Variants in MMS22L observed in about 807,000 individuals in gnomAD.
The protein encoded by MMS22L is protein MMS22-like.
A neutral mutation model predicts 159.1 loss-of-function variants in MMS22L; 74 were observed. The observed-to-expected ratio is 0.47, with a 90% CI of 0.39 to 0.56. MMS22L has a LOEUF of 0.56. Among genes scored for constraint, MMS22L ranks in the 20% least tolerant of loss-of-function variants. The probability of loss-of-function intolerance (pLI) is 0.00; values close to 1 mark genes in which losing one functional copy is unlikely to be tolerated. For missense variants in MMS22L, 1,351 were observed against 1,422.1 expected (o/e 0.95, Z 0.80); for synonymous variants, 517 against 506.9 (o/e 1.02, Z -0.27).
At chr6:97,209,604 T>A (rs1808155774) in intron 14 of MMS22L, among the ~76,000 whole-genome samples, 1 of 152,008 alleles carries the variant, frequency 6.6e-6, no homozygotes. Flanking sequence ...GTCTCTGACA[T>A]ACAAAAGGCC....
intron 16 of MMS22L, among the ~76,000 whole-genome samples, chr6:97,181,364 A>G (rs1316622940): frequency 6.6e-6 from 1 of 151,766 alleles, no homozygotes; most frequent in African/African-American, 2.4e-5. Flanking sequence ...TTTTTTTCCA[A>G]TGAGGTTCCT....
chr6:97,154,920 G>C (rs1418454281), intron 22 of MMS22L, among the ~76,000 whole-genome samples: 1 of 152,098 alleles, frequency 6.6e-6, no homozygotes, highest in Non-Finnish European at 1.5e-5. Context: ...CTTTTTCCAA[G>C]ATTGATTTGG....
chr6:97,161,922 T>C, intron 22 of MMS22L, 80 bp downstream of exon 22: 1 of 1,330,468 alleles, frequency 7.5e-7, no homozygotes, highest in Non-Finnish European at 1.1e-6. Flanking sequence ...ATTTTGTAAC[T>C]ATCCATTAAA....
intron 14 of MMS22L, among the ~76,000 whole-genome samples, chr6:97,202,998 AT>A (rs891102311): frequency 7.2e-5 from 11 of 152,334 alleles, no homozygotes; most frequent in South Asian, 4.1e-4. Context: ...ATCAAAAAAA[AT>A]AATTGCTTTG....
intron 11 of MMS22L, among the ~76,000 whole-genome samples, chr6:97,235,928 T>C (rs1365053358): frequency 6.6e-6 from 1 of 152,138 alleles, no homozygotes; most frequent in Non-Finnish European, 1.5e-5. Flanking sequence ...TTTAAAGCTG[T>C]AAAGATAGGA....
At chr6:97,221,773 ATG>A (rs971460614) in intron 14 of MMS22L, among the ~76,000 whole-genome samples, 1 of 151,994 alleles carries the variant, frequency 6.6e-6, no homozygotes, top group Admixed American at 6.6e-5. Flanking sequence ...GGGCATACAC[ATG>A]TGTTTCCCAA....
chr6:97,178,884 AC>A (rs1351580667), intron 17 of MMS22L, among the ~76,000 whole-genome samples: 2 of 152,164 alleles, frequency 1.3e-5, no homozygotes, highest in Admixed American at 1.3e-4. Flanking sequence ...GTGGCCACAA[AC>A]AATAGCTTTG....
At chr6:97,196,228 G>A (rs1806487301) in intron 14 of MMS22L, among the ~76,000 whole-genome samples, 1 of 152,006 alleles carries the variant, frequency 6.6e-6, no homozygotes. Context: ...CGAGACAGAG[G>A]TATGTAAAGA....
intron 14 of MMS22L, among the ~76,000 whole-genome samples, chr6:97,208,148 A>C (rs1807981009): frequency 6.6e-6 from 1 of 152,088 alleles, no homozygotes; most frequent in Admixed American, 6.5e-5. Flanking sequence ...CCTTTCCTTT[A>C]TTCCCTTTAT....
intron 16 of MMS22L, among the ~76,000 whole-genome samples, chr6:97,180,484 T>C (rs1804599835): frequency 6.6e-6 from 1 of 152,142 alleles, no homozygotes; most frequent in Non-Finnish European, 1.5e-5. Context: ...TGTTATGTAA[T>C]GTCCAAAATT....
At chr6:97,259,862 T>C (rs958487703) in intron 9 of MMS22L, 9 of 152,146 alleles carry the variant, frequency 5.9e-5, no homozygotes, top group Non-Finnish European at 1.2e-4. Context: ...AATACTGCAA[T>C]AAATAAACGT....
chr6:97,231,349 A>C, intron 13 of MMS22L, 77 bp downstream of exon 13: 1 of 1,058,442 alleles, frequency 9.4e-7, no homozygotes. Context: ...AATCCCAAGT[A>C]AACATAACAA....
chr6:97,190,925 A>G (rs1024493118), intron 14 of MMS22L, among the ~76,000 whole-genome samples: 1 of 152,062 alleles, frequency 6.6e-6, no homozygotes, highest in Non-Finnish European at 1.5e-5. Flanking sequence ...AAACACCCAC[A>G]CTTTCACATA....
chr6:97,254,469 T>C (rs1008777504), intron 10 of MMS22L, 88 bp downstream of exon 10: 2 of 1,044,136 alleles, frequency 1.9e-6, no homozygotes, highest in Non-Finnish European at 2.8e-6. Flanking sequence ...CTGACTTTTC[T>C]TGTTTCTGCT....
intron 11 of MMS22L, among the ~76,000 whole-genome samples, chr6:97,244,065 T>A (rs543936972): frequency 1.3e-5 from 2 of 152,198 alleles, no homozygotes; most frequent in Non-Finnish European, 2.9e-5. Context: ...AGTGAAGTTG[T>A]CATGTGGACA....
intron 2 of MMS22L, among the ~76,000 whole-genome samples, chr6:97,282,051 T>C (rs1816798224): frequency 6.6e-6 from 1 of 152,168 alleles, no homozygotes; most frequent in Non-Finnish European, 1.5e-5. Flanking sequence ...TCATTTTAAG[T>C]AGAAGAAAAA....
chr6:97,149,227 AATAACCT>A (rs1325656991), intron 24 of MMS22L, among the ~76,000 whole-genome samples: 1 of 152,162 alleles, frequency 6.6e-6, no homozygotes, highest in African/African-American at 2.4e-5. Flanking sequence ...TTGATTCTTT[AATAACCT>A]TTAGGACACA....
At chr6:97,212,433 C>T (rs570522593) in intron 14 of MMS22L, among the ~76,000 whole-genome samples, 6 of 152,076 alleles carry the variant, frequency 3.9e-5, no homozygotes, top group Non-Finnish European at 7.4e-5. Flanking sequence ...AGAATGGAGC[C>T]CTAAAAAATC....
At chr6:97,169,125 C>G (rs1213652285) in intron 19 of MMS22L, among the ~76,000 whole-genome samples, 1 of 151,998 alleles carries the variant, frequency 6.6e-6, no homozygotes, top group African/African-American at 2.4e-5. Flanking sequence ...GTTTTTACAC[C>G]TTTCCATTAT....
Sources: allele counts gnomAD v4.1 joint callset (sites outside exome capture counted in the v4.1 genomes callset), GRCh38; gene constraint gnomAD v4.1.1; transcripts MANE v1.5; gene names NCBI Gene and HGNC (gene_info 2026-07-23, HGNC 2026-07-21).